Variants in GPC5 observed in about 807,000 individuals in gnomAD.
GPC5 encodes glypican 5.
In GPC5, 47 loss-of-function variants were observed where a neutral mutation model predicts 53.9. That is an observed-to-expected ratio of 0.87 (90% CI 0.69 to 1.11). GPC5 has a LOEUF of 1.11. Among genes scored for constraint, GPC5 ranks in the 50% most tolerant of loss-of-function variants. The pLI, the probability that GPC5 is intolerant of heterozygous loss-of-function variation, is 0.00. For synonymous variants in GPC5, 286 were observed against 263.3 expected (o/e 1.09, Z -0.84); for missense variants, 748 against 713.1 (o/e 1.05, Z -0.56).
chr13:91,609,627 C>A (rs913112410), intron 2 of GPC5, among the ~76,000 whole-genome samples: 1 of 152,180 alleles, frequency 6.6e-6, no homozygotes, highest in African/African-American at 2.4e-5. Flanking sequence ...CACAGATAGG[C>A]AGTGAGGATA....
At chr13:92,619,618 A>G (rs1033524632) in intron 7 of GPC5, among the ~76,000 whole-genome samples, 4 of 152,016 alleles carry the variant, frequency 2.6e-5, no homozygotes, top group Admixed American at 2.0e-4. Context: ...AAATTCTAAA[A>G]TGAAAGATAA....
At chr13:91,839,124 T>C (rs1353304880) in intron 5 of GPC5, among the ~76,000 whole-genome samples, 1 of 152,212 alleles carries the variant, frequency 6.6e-6, no homozygotes, top group African/African-American at 2.4e-5. Flanking sequence ...AATTTCATAA[T>C]ATTCAATAAT....
intron 7 of GPC5, among the ~76,000 whole-genome samples, chr13:92,837,102 A>T (rs1878246291): frequency 6.6e-6 from 1 of 152,188 alleles, no homozygotes; most frequent in Non-Finnish European, 1.5e-5. Context: ...TCCAGACTGA[A>T]GGATATAATT....
intron 6 of GPC5, among the ~76,000 whole-genome samples, chr13:91,998,431 T>A (rs74106288): frequency 0.082 from 12,535 of 152,228 alleles, 1,767 homozygotes; most frequent in African/African-American, 0.28. Flanking sequence ...ATATCATATA[T>A]AATTTCTGGA....
chr13:92,324,985 G>T (rs1188329587), intron 7 of GPC5, among the ~76,000 whole-genome samples: 1 of 151,754 alleles, frequency 6.6e-6, no homozygotes, highest in Non-Finnish European at 1.5e-5. Context: ...CATTTAATTT[G>T]CATAAGGAAA....
Position 91,704,419 on chromosome 13 carries a change from G to A in GPC5, c.1020+10538G>A, listed in dbSNP as rs181308964. Among the ~76,000 whole-genome samples the A allele has an allele frequency of 2.0e-3, 310 of 152,254 alleles. 3 individuals carry two copies. Among genetic ancestry groups the A allele is most frequent in the African/African-American group, 7.0e-3 (291 of 41,564 alleles). Reference sequence around the variant, plus strand: ...CCACCCCCGCCACAGAGCATTCCTAGGGGATCTGGGTCTGGGCTAAGCTCC... The same window carrying A: ...CCACCCCCGCCACAGAGCATTCCTAAGGGATCTGGGTCTGGGCTAAGCTCC... On this transcript the variant is annotated intron_variant, in intron 3 of 7. Transcript: ENST00000377067.
At chr13:92,690,670 G>T (rs2139233222) in intron 7 of GPC5, among the ~76,000 whole-genome samples, 2 of 143,220 alleles carry the variant, frequency 1.4e-5, no homozygotes, top group Admixed American at 1.4e-4. Context: ...CAGTTTTTCT[G>T]TTCTGTTTTT....
chr13:91,421,063 T>C (rs1212996652), intron 1 of GPC5, among the ~76,000 whole-genome samples: 1 of 152,220 alleles, frequency 6.6e-6, no homozygotes, highest in Non-Finnish European at 1.5e-5. Flanking sequence ...CATGAGCTAC[T>C]CTATGAGGCA....
In GPC5 at chr13:92,493,684, CT is replaced by C. The variant is rs140440389; in HGVS notation, c.1561+348700del. On this transcript the variant is annotated intron_variant, in intron 7 of 7. Coordinates refer to ENST00000377067, the MANE Select transcript of GPC5 (RefSeq NM_004466.6). ...ATTTAACTAAATCTTTCTTATTTTTCTTTTTCAATGAGACACCAGAGGCATA... is the reference window on the plus strand; with the variant it reads ...ATTTAACTAAATCTTTCTTATTTTTCTTTTCAATGAGACACCAGAGGCATA... Among the ~76,000 whole-genome samples, 9 of 152,142 alleles carry C rather than the reference CT, an allele frequency of 5.9e-5. No individual in the cohort carries two copies. The East Asian group carries it at 1.5e-3, about 26-fold the overall frequency.
At chr13:92,795,872 G>C (rs753191930) in intron 7 of GPC5, among the ~76,000 whole-genome samples, 2 of 152,156 alleles carry the variant, frequency 1.3e-5, no homozygotes. Context: ...ACAGATGCTG[G>C]AGAGGATGTG....
At chr13:91,722,215 T>A (rs576292147) in intron 3 of GPC5, among the ~76,000 whole-genome samples, 23 of 152,222 alleles carry the variant, frequency 1.5e-4, no homozygotes, top group Non-Finnish European at 2.4e-4. Flanking sequence ...TCTCAGTATC[T>A]CTATTCCTGA....
intron 2 of GPC5, among the ~76,000 whole-genome samples, chr13:91,549,008 T>C (rs7998421): frequency 0.011 from 1,730 of 152,246 alleles, 26 homozygotes; most frequent in African/African-American, 0.04. Flanking sequence ...CAGTGACTCA[T>C]GCCTATAATC....
chr13:91,542,542 T>G (rs974491305), intron 2 of GPC5, among the ~76,000 whole-genome samples: 1 of 152,208 alleles, frequency 6.6e-6, no homozygotes, highest in Non-Finnish European at 1.5e-5. Flanking sequence ...CCAGTGTATG[T>G]GTAGGACACG....
At chr13:91,536,603 T>C (rs1886602221) in intron 2 of GPC5, among the ~76,000 whole-genome samples, 1 of 152,194 alleles carries the variant, frequency 6.6e-6, no homozygotes, top group African/African-American at 2.4e-5. Context: ...GAGGGAAGGA[T>C]CTACTTTGAC....
At chr13:92,192,187 C>T (rs2042227137) in intron 7 of GPC5, among the ~76,000 whole-genome samples, 1 of 152,090 alleles carries the variant, frequency 6.6e-6, no homozygotes, top group South Asian at 2.1e-4. Context: ...TTTGTCAAAA[C>T]TCAGAGAACG....
intron 1 of GPC5, among the ~76,000 whole-genome samples, chr13:91,440,642 T>G (rs1880353148): frequency 6.6e-6 from 1 of 152,220 alleles, no homozygotes; most frequent in Non-Finnish European, 1.5e-5. Context: ...CTTCATATGT[T>G]CAGTAATTTT....
At chr13:91,831,694 C>A (rs2038661639) in intron 5 of GPC5, among the ~76,000 whole-genome samples, 1 of 151,492 alleles carries the variant, frequency 6.6e-6, no homozygotes, top group Non-Finnish European at 1.5e-5. Flanking sequence ...AGGCAGCTTA[C>A]CTTCTTAGAA....
chr13:92,376,606 A>G (rs1297974383), intron 7 of GPC5, among the ~76,000 whole-genome samples: 1 of 152,166 alleles, frequency 6.6e-6, no homozygotes, highest in Non-Finnish European at 1.5e-5. Context: ...ACTGTATTCT[A>G]AAGGAGAGTT....
intron 6 of GPC5, among the ~76,000 whole-genome samples, chr13:92,011,954 G>T (rs1332591763): frequency 6.6e-6 from 1 of 152,124 alleles, no homozygotes; most frequent in Non-Finnish European, 1.5e-5. Flanking sequence ...ATTTCCAAAA[G>T]CCTAAATCTT....
Sources: allele counts gnomAD v4.1 joint callset (sites outside exome capture counted in the v4.1 genomes callset), GRCh38; gene constraint gnomAD v4.1.1; transcripts MANE v1.5; gene names NCBI Gene and HGNC (gene_info 2026-07-23, HGNC 2026-07-21).